The following SAXO1 variants were observed in gnomAD, a reference collection of about 807,000 sequenced individuals.
SAXO1 encodes 4930500O09Rik.
In SAXO1, 21 loss-of-function variants were observed where a neutral mutation model predicts 17.5. The observed-to-expected ratio is 1.20, with a 90% CI of 0.85 to 1.72. The LOEUF (loss-of-function observed/expected upper bound fraction) is 1.72. SAXO1 is among the 40% of genes most tolerant of loss of function. SAXO1 has a pLI of 0.00. For missense variants in SAXO1, 843 were observed against 596.0 expected (o/e 1.41, Z -4.32); for synonymous variants, 274 against 216.5 (o/e 1.27, Z -2.33).
rs140561537 is a variant in SAXO1 at position 18,946,191 on chromosome 9, G to A, written c.219-4352C>T. 5.6e-3 allele frequency among the ~76,000 whole-genome samples: 823 copies of A among 146,682 alleles called. 3 individuals are homozygous for A. The highest frequency in any genetic ancestry group is 0.011 in the Middle Eastern group (3 of 276). On this transcript the variant is annotated intron_variant, in intron 2 of 3. Transcript: ENST00000380534. ...CTCGGGAGGCTGAGGCAGGAGAATC[G>A]CTTGAACTCGGGAGGAGGAAGTTGC...
chr9:18,948,105 C>G (rs1248615013), intron 2 of SAXO1, among the ~76,000 whole-genome samples: 2 of 152,110 alleles, frequency 1.3e-5, no homozygotes, highest in Non-Finnish European at 2.9e-5. Flanking sequence ...CAAGGGTGTG[C>G]AGACACTGGG....
chr9:19,000,672 G>A (rs1264993340), intron 1 of SAXO1, among the ~76,000 whole-genome samples: 1 of 151,980 alleles, frequency 6.6e-6, no homozygotes, highest in Non-Finnish European at 1.5e-5. Context: ...CCCCAAGTTT[G>A]CATTTTTGAT....
intron 1 of SAXO1, among the ~76,000 whole-genome samples, chr9:19,041,240 G>A (rs981546709): frequency 6.7e-6 from 1 of 149,910 alleles, no homozygotes; most frequent in African/African-American, 2.4e-5. Flanking sequence ...GTTAACCATG[G>A]AAGTGAAAGA....
At chr9:18,974,678 C>G (rs1317172975) in intron 1 of SAXO1, among the ~76,000 whole-genome samples, 1 of 152,054 alleles carries the variant, frequency 6.6e-6, no homozygotes, top group Admixed American at 6.5e-5. Context: ...CTGAACAAAA[C>G]AGATCAATGA....
chr9:18,938,379 G>C (rs899242701), intron 3 of SAXO1, among the ~76,000 whole-genome samples: 5 of 152,196 alleles, frequency 3.3e-5, no homozygotes, highest in Admixed American at 1.3e-4. Context: ...GAGGCCTCAG[G>C]GAGTTTTACT....
chr9:19,000,354 G>A (rs369181710), intron 1 of SAXO1, among the ~76,000 whole-genome samples: 1 of 151,062 alleles, frequency 6.6e-6, no homozygotes. Context: ...GAAGTGAGGA[G>A]CCCCTCTGCC....
chr9:18,981,869 C>A (rs111996653), intron 1 of SAXO1, among the ~76,000 whole-genome samples: 51 of 152,340 alleles, frequency 3.3e-4, no homozygotes, highest in African/African-American at 1.2e-3. Flanking sequence ...TCAGCTCTCC[C>A]CAACTCCAAA....
In SAXO1 at chr9:18,928,265, G is replaced by C. The variant is rs745371793; in HGVS notation, c.1212C>G (p.Ser404Arg). ...SGPRGNVPVE[S>R]QTTYTISFTP... is the part of the protein sequence containing the mutation. ...TAAAGCTGATGGTGTAGGTGGTCTG[G>C]CTTTCCACAGGGACATTTCCTCGAG... is the stretch of plus-strand genomic sequence containing the variant. Residue 404 changes from serine (S) to arginine (R), a missense_variant, in exon 4 of 4, where the codon AGC (serine) becomes AGG (arginine). Ser to Arg is a moderately radical substitution (Grantham distance 110). Coordinates refer to ENST00000380534, the MANE Select transcript of SAXO1 (RefSeq NM_153707.4). 6.2e-6 allele frequency: 10 copies of C among 1,612,896 alleles called. No homozygotes were observed. The Admixed American group carries it at 1.7e-4, about 27-fold the overall frequency.
chr9:18,959,725 T>C (rs375578849), intron 1 of SAXO1, among the ~76,000 whole-genome samples: 28 of 150,904 alleles, frequency 1.9e-4, no homozygotes, highest in African/African-American at 6.8e-4. Context: ...GAGCCAAGAC[T>C]GCGACATTGC....
intron 1 of SAXO1, among the ~76,000 whole-genome samples, chr9:19,002,930 T>G (rs888336010): frequency 6.6e-6 from 1 of 152,198 alleles, no homozygotes; most frequent in Non-Finnish European, 1.5e-5. Context: ...AGGTATTCAA[T>G]TAAGCAAAGA....
intron 1 of SAXO1, among the ~76,000 whole-genome samples, chr9:18,957,136 G>T (rs1278047649): frequency 6.6e-6 from 1 of 152,064 alleles, no homozygotes; most frequent in African/African-American, 2.4e-5. Flanking sequence ...GCTACACTCA[G>T]AGTCTTCCAA....
chr9:18,940,921 T>C (rs573684410), intron 3 of SAXO1, among the ~76,000 whole-genome samples: 10 of 152,312 alleles, frequency 6.6e-5, no homozygotes, highest in African/African-American at 2.2e-4. Context: ...GCGAAACTAA[T>C]TTAAAGTATT....
chr9:18,974,361 A>G (rs568689430), intron 1 of SAXO1, among the ~76,000 whole-genome samples: 1 of 152,352 alleles, frequency 6.6e-6, no homozygotes, highest in East Asian at 1.9e-4. Context: ...TGTATTATGT[A>G]TATGTGCACA....
In SAXO1 at chr9:18,956,110, ATTTT is replaced by A. The variant is rs34950206; in HGVS notation, c.39-5177_39-5174del. Among the ~76,000 whole-genome samples, 84 of 128,796 alleles carry A rather than the reference ATTTT, an allele frequency of 6.5e-4. 2 individuals carry two copies. Among genetic ancestry groups the A allele is most frequent in the African/African-American group, 2.4e-3 (80 of 33,304 alleles). The allele number at this position is 128,796 out of a possible 152,430, so 84.5% of individuals were successfully genotyped here. On this transcript the variant is annotated intron_variant, in intron 1 of 3. Coordinates refer to ENST00000380534, the MANE Select transcript of SAXO1 (RefSeq NM_153707.4). ...CATGCACCACTGCACAACCTGGCTA[ATTTT>A]TTTTTTTTTTTTTTTTTGTAGAAAT... is the stretch of plus-strand genomic sequence containing the variant.
Position 18,928,217 on chromosome 9 carries a change from G to A in SAXO1, c.1260C>T (p.Cys420=), listed in dbSNP as rs761120534. ...ISFTPKEMGR[C]LASYPEPPGY... is the part of the protein sequence containing the mutation. The stretch of plus-strand genomic sequence containing the variant: ...CAGGAGGCTCAGGATATGAAGCTAG[G>A]CACCTGCCCATTTCCTTGGGAGTAA... The change falls in exon 4 of 4, where the codon TGC becomes TGT. Residue 420 remains cysteine (C), a synonymous_variant. Transcript: ENST00000380534. The A allele has an allele frequency of 1.5e-5, 25 of 1,613,986 alleles. No individual in the cohort carries two copies. Among genetic ancestry groups the A allele is most frequent in the Middle Eastern group, 1.6e-4 (1 of 6,084 alleles).
chr9:19,011,850 T>C (rs894708396), intron 1 of SAXO1, among the ~76,000 whole-genome samples: 2 of 138,782 alleles, frequency 1.4e-5, no homozygotes, highest in African/African-American at 6.0e-5. Context: ...TAAGCATAGA[T>C]TTTTTTTTTT....
At chr9:19,013,885 C>A (rs1834856039) in intron 1 of SAXO1, among the ~76,000 whole-genome samples, 1 of 152,060 alleles carries the variant, frequency 6.6e-6, no homozygotes, top group South Asian at 2.1e-4. Context: ...ATGTTAGCAG[C>A]CAATATGCAC....
intron 1 of SAXO1, among the ~76,000 whole-genome samples, chr9:19,001,824 C>G (rs1016965108): frequency 6.6e-6 from 1 of 151,952 alleles, no homozygotes; most frequent in Non-Finnish European, 1.5e-5. Context: ...CCTAACATCA[C>G]AATTAAAAGA....
At chr9:18,983,586 G>A (rs1416032781) in intron 1 of SAXO1, among the ~76,000 whole-genome samples, 2 of 152,168 alleles carry the variant, frequency 1.3e-5, no homozygotes, top group African/African-American at 4.8e-5. Context: ...TCCATAAGAA[G>A]TAACTCCTCA....
Sources: allele counts gnomAD v4.1 joint callset (sites outside exome capture counted in the v4.1 genomes callset), GRCh38; gene constraint gnomAD v4.1.1; transcripts MANE v1.5; gene names NCBI Gene and HGNC (gene_info 2026-07-23, HGNC 2026-07-21).